The following NAGK variants were observed in gnomAD, a reference collection of about 807,000 sequenced individuals.
The protein encoded by NAGK is N-acetyl-D-glucosamine kinase.
A neutral mutation model predicts 42.9 loss-of-function variants in NAGK; 35 were observed. The ratio of observed to expected loss-of-function variants is 0.82; its 90% CI spans 0.62 to 1.08. The LOEUF (loss-of-function observed/expected upper bound fraction) is 1.08. NAGK is among the 50% of genes least tolerant of loss of function. The pLI is 0.00. For missense variants in NAGK, 446 were observed against 446.0 expected (o/e 1.00, Z 0.00); for synonymous variants, 172 against 176.0 (o/e 0.98, Z 0.18).
chr2:71,068,601 C>G, upstream of NAGK: 4 of 1,522,496 alleles, frequency 2.6e-6, no homozygotes, highest in Non-Finnish European at 3.5e-6. Context: ...GGAAGTGGGG[C>G]GGTGCCCAGA....
chr2:71,071,349 G>A, intron 3 of NAGK: 1 of 332,158 alleles, frequency 3.0e-6, no homozygotes, highest in Non-Finnish European at 5.6e-6. Flanking sequence ...GCAGACACAG[G>A]CAAACCTCGT....
At chr2:71,075,224 G>GC (rs1187239221) in intron 6 of NAGK, 1 of 209,160 alleles carries the variant, frequency 4.8e-6, no homozygotes, top group African/African-American at 2.3e-5. Context: ...CTTAAGGCCA[G>GC]CCTAGGCAAC....
At chr2:71,071,433 ACTACTGCC>A (rs938151450) in intron 3 of NAGK, 2 of 494,024 alleles carry the variant, frequency 4.0e-6, no homozygotes. Flanking sequence ...TGTTAAGAGC[ACTACTGCC>A]CTTCCAAGCT....
chr2:71,078,774 T>C lies in NAGK; in HGVS notation c.*266T>C, dbSNP rs1249765713. The C allele has an allele frequency of 9.8e-5, 41 of 420,268 alleles. No individual in the cohort carries two copies. The highest frequency in any genetic ancestry group is 6.8e-4 in the South Asian group (21 of 31,038). The allele number at this position is 420,268 out of a possible 1,614,324, so 26.0% of individuals were successfully genotyped here. On this transcript the variant is annotated 3_prime_UTR_variant, in exon 10 of 10. Transcript: ENST00000244204. Reference sequence around the variant, plus strand: ...CCCCAGGTGCTCAGCCTGTGATCTGTATCCACTCAGCATGCACTTGGGCAG... The same window carrying C: ...CCCCAGGTGCTCAGCCTGTGATCTGCATCCACTCAGCATGCACTTGGGCAG...
rs1672309567 is a variant in NAGK at position 71,078,734 on chromosome 2, G to C, written c.*226G>C. 2 of 538,984 alleles carry C rather than the reference G, an allele frequency of 3.7e-6. No homozygotes were observed. The highest frequency in any genetic ancestry group is 6.3e-6 in the Non-Finnish European group (2 of 317,102). The allele number at this position is 538,984 out of a possible 1,614,324, so 33.4% of individuals were successfully genotyped here. A position where few individuals can be genotyped will look rare whatever the true frequency, so the allele number is the denominator to read the frequency against. ...GGGCTCATGAGTGAATTTAGTCCAA[G>C]ATTTAAAGCCCTGCCCCCAGGTGCT... On this transcript the variant is annotated 3_prime_UTR_variant, in exon 10 of 10. Transcript: ENST00000244204.
At chr2:71,071,578 G>T in intron 3 of NAGK, 108 bp from the exon 4 acceptor site, 1 of 1,432,796 alleles carries the variant, frequency 7.0e-7, no homozygotes. Context: ...GGTGAACAGG[G>T]TATGGCCAGA....
chr2:71,072,841 C>T, intron 5 of NAGK, 90 bp downstream of exon 5: 3 of 1,206,076 alleles, frequency 2.5e-6, no homozygotes, highest in Non-Finnish European at 3.6e-6. Context: ...GCTCACTGAG[C>T]CCTTGGGGCT....
chr2:71,074,478 A>T (rs896111964), intron 6 of NAGK: 8 of 152,330 alleles, frequency 5.3e-5, no homozygotes, highest in African/African-American at 1.9e-4. Context: ...AACTCTACTG[A>T]TAGGTCTACT....
Position 71,078,634 on chromosome 2 carries a change from C to T in NAGK, c.*126C>T, listed in dbSNP as rs745529513. On this transcript the variant is annotated 3_prime_UTR_variant, in exon 10 of 10. Coordinates refer to ENST00000244204, the MANE Select transcript of NAGK (RefSeq NM_017567.6). ...GAAGAAAATAAATGCACTTTATCCA[C>T]TCCCCAATTGGACTGCATTATCAAA... is the stretch of plus-strand genomic sequence containing the variant. The T allele has an allele frequency of 6.5e-5, 75 of 1,156,992 alleles. No individual in the cohort carries two copies. Among genetic ancestry groups the T allele is most frequent in the Non-Finnish European group, 8.5e-5 (71 of 840,192 alleles). The allele number at this position is 1,156,992 out of a possible 1,614,324, so 71.7% of individuals were successfully genotyped here.
chr2:71,075,543 T>C lies in NAGK; in HGVS notation c.580-12T>C. On this transcript the variant is annotated splice_polypyrimidine_tract_variant and intron_variant, in intron 6 of 9. Transcript: ENST00000244204. ...GCTTCTGATGACTCTCTTGTGCCCTTTCTCCTCTCAGGTGCCAGATCGGCT... is the reference window on the plus strand; with the variant it reads ...GCTTCTGATGACTCTCTTGTGCCCTCTCTCCTCTCAGGTGCCAGATCGGCT... The C allele has an allele frequency of 6.2e-7, 1 of 1,604,862 alleles. No homozygotes were observed. The highest frequency in any genetic ancestry group is 8.5e-7 in the Non-Finnish European group (1 of 1,171,686).
At chr2:71,069,780 TC>T (rs1671929309) in intron 1 of NAGK, 1 of 154,616 alleles carries the variant, frequency 6.5e-6, no homozygotes, top group African/African-American at 2.4e-5. Context: ...CTTCTGCCAT[TC>T]CTAAAAGTAA....
chr2:71,072,377 G>A (rs1002600326), intron 4 of NAGK: 7 of 454,838 alleles, frequency 1.5e-5, no homozygotes, highest in Non-Finnish European at 2.4e-5. Flanking sequence ...GACCGGCTGG[G>A]CAAGGAGCCA....
In NAGK at chr2:71,076,603, G is replaced by C; in HGVS notation, c.668-1G>C. The stretch of plus-strand genomic sequence containing the variant: ...TCCTTCTTCCGTCCTCCCTACCCCA[G>C]GTGCTCAGCAGGGAGACCCCCTTTC... On this transcript the variant is annotated splice_acceptor_variant, in intron 7 of 9. Transcript: ENST00000244204. LOFTEE classifies it high-confidence loss of function. The C allele has an allele frequency of 6.2e-7, 1 of 1,610,604 alleles. No individual in the cohort carries two copies. Among genetic ancestry groups the C allele is most frequent in the Non-Finnish European group, 8.5e-7 (1 of 1,177,102 alleles).
Position 71,068,681 on chromosome 2 carries a change from A to G in NAGK, c.-3A>G. 2 of 1,519,622 alleles carry G rather than the reference A, an allele frequency of 1.3e-6. No individual in the cohort carries two copies. Among genetic ancestry groups the G allele is most frequent in the Non-Finnish European group, 1.8e-6 (2 of 1,133,750 alleles). The allele number at this position is 1,519,622 out of a possible 1,614,324, so 94.1% of individuals were successfully genotyped here. Reference sequence around the variant, plus strand: ...CGGGACCAGCAGCGACGGTAGCAGCAGCATGGCCGCGATCTATGGGGGTGT... The same window carrying G: ...CGGGACCAGCAGCGACGGTAGCAGCGGCATGGCCGCGATCTATGGGGGTGT... On this transcript the variant is annotated 5_prime_UTR_variant, in exon 1 of 10. Coordinates refer to ENST00000244204, the MANE Select transcript of NAGK (RefSeq NM_017567.6).
At chr2:71,073,893 C>T (rs541493618) in intron 6 of NAGK, among the ~76,000 whole-genome samples, 2 of 152,220 alleles carry the variant, frequency 1.3e-5, no homozygotes, top group South Asian at 2.1e-4. Flanking sequence ...AAAGAGATGG[C>T]ATTCTAGGCT....
chr2:71,068,966 C>CT (rs1398577776), intron 1 of NAGK: 1 of 1,258,662 alleles, frequency 7.9e-7, no homozygotes, highest in Non-Finnish European at 1.0e-6. Context: ...ACGCCCCTTT[C>CT]TTCCACGAAA....
chr2:71,075,169 G>C (rs1263190149), intron 6 of NAGK: 2 of 165,758 alleles, frequency 1.2e-5, no homozygotes, highest in Admixed American at 1.2e-4. Flanking sequence ...ATCTTTTCAA[G>C]AGCACCCCAA....
chr2:71,076,946 G>C (rs896437687), intron 8 of NAGK, among the ~76,000 whole-genome samples: 1 of 152,048 alleles, frequency 6.6e-6, no homozygotes, highest in Admixed American at 6.5e-5. Context: ...GTGTGTGTGT[G>C]TGCTGTCCCC....
At chr2:71,068,615 C>T (rs1028239657), upstream of NAGK, 4 of 1,525,280 alleles carry the variant, frequency 2.6e-6, no homozygotes, top group Non-Finnish European at 3.5e-6. Context: ...GCCCAGACAG[C>T]TGGAGGGAAG....
Sources: allele counts gnomAD v4.1 joint callset (sites outside exome capture counted in the v4.1 genomes callset), GRCh38; gene constraint gnomAD v4.1.1; transcripts MANE v1.5; gene names NCBI Gene and HGNC (gene_info 2026-07-23, HGNC 2026-07-21).